Variants in CCDC73 observed in about 807,000 individuals in gnomAD.
CCDC73 encodes coiled-coil domain-containing protein 73.
CCDC73 carries 95 observed loss-of-function variants against 116.5 expected under a neutral mutation model. That is an observed-to-expected ratio of 0.82 (90% CI 0.69 to 0.97). The LOEUF is 0.97. Ranked by LOEUF, CCDC73 falls within the 50% of genes least tolerant of loss-of-function variation. CCDC73 has a pLI of 0.00. For missense variants in CCDC73, 1,066 were observed against 1,206.8 expected (o/e 0.88, Z 1.73); for synonymous variants, 398 against 401.3 (o/e 0.99, Z 0.10).
chr11:32,623,522 T>A (rs1201196861), intron 14 of CCDC73, among the ~76,000 whole-genome samples: 1 of 152,066 alleles, frequency 6.6e-6, no homozygotes, highest in Admixed American at 6.6e-5. Flanking sequence ...CGCTAATTTT[T>A]AAAAAAATTT....
intron 9 of CCDC73, among the ~76,000 whole-genome samples, chr11:32,665,725 T>A (rs938961084): frequency 6.6e-6 from 1 of 152,104 alleles, no homozygotes; most frequent in East Asian, 1.9e-4. Flanking sequence ...TTATTTTCCT[T>A]GTTAGTTGAT....
chr11:32,766,531 G>A (rs1447562560), intron 1 of CCDC73, among the ~76,000 whole-genome samples: 1 of 152,158 alleles, frequency 6.6e-6, no homozygotes, highest in Admixed American at 6.5e-5. Flanking sequence ...CCTGTTTGCA[G>A]ATGACATGAT....
At chr11:32,690,417 C>T (rs1406416831) in intron 6 of CCDC73, among the ~76,000 whole-genome samples, 2 of 152,156 alleles carry the variant, frequency 1.3e-5, no homozygotes, top group East Asian at 1.9e-4. Context: ...TTATTAACAT[C>T]CCCCACCAGA....
chr11:32,802,522 A>G, the CCDC73 span, among the ~76,000 whole-genome samples: 1 of 152,230 alleles, frequency 6.6e-6, no homozygotes, highest in South Asian at 2.1e-4. Flanking sequence ...GTATACCAAA[A>G]TATAAAAGCA....
Position 32,617,393 on chromosome 11 carries a change from C to T in CCDC73, c.1186-1264G>A, listed in dbSNP as rs540351851. Among the ~76,000 whole-genome samples the T allele has an allele frequency of 2.0e-4, 31 of 152,284 alleles. No homozygotes were observed. The South Asian group carries it at 5.0e-3, about 24-fold the overall frequency. ...ACATCAAACAGTACCTACTATTATACACTCTAATGTTTTCTATGCTATTTC... is the reference window on the plus strand; with the variant it reads ...ACATCAAACAGTACCTACTATTATATACTCTAATGTTTTCTATGCTATTTC... On this transcript the variant is annotated intron_variant, in intron 14 of 17. Transcript: ENST00000335185.
chr11:32,687,518 A>C (rs1205197406), intron 6 of CCDC73, among the ~76,000 whole-genome samples: 4 of 152,166 alleles, frequency 2.6e-5, no homozygotes, highest in African/African-American at 9.7e-5. Flanking sequence ...TTGAAAGATA[A>C]GAAAAGTATA....
the CCDC73 span, among the ~76,000 whole-genome samples, chr11:32,814,758 C>T: frequency 6.6e-6 from 1 of 151,892 alleles, no homozygotes; most frequent in Non-Finnish European, 1.5e-5. Flanking sequence ...TCATAATAGT[C>T]AAAAAATGAA....
intron 2 of CCDC73, among the ~76,000 whole-genome samples, chr11:32,718,920 T>G (rs369366904): frequency 6.6e-6 from 1 of 152,114 alleles, no homozygotes; most frequent in Non-Finnish European, 1.5e-5. Context: ...CTCATGAAGA[T>G]CTCATCCTGA....
chr11:32,709,334 T>A lies in CCDC73; in HGVS notation c.208-6390A>T, dbSNP rs139450595. Among the ~76,000 whole-genome samples the A allele has an allele frequency of 7.1e-3, 1,086 of 152,340 alleles. 17 individuals carry two copies. The highest frequency in any genetic ancestry group is 0.025 in the African/African-American group (1,047 of 41,566). ...TTGTTTTTGAGATGGAATCTTACTC[T>A]GTTGCCCAGGCTAGAGTGCAGTAAT... On this transcript the variant is annotated intron_variant, in intron 3 of 17. Transcript: ENST00000335185.
At chr11:32,662,255 G>A (rs929311879) in intron 9 of CCDC73, among the ~76,000 whole-genome samples, 17 of 152,132 alleles carry the variant, frequency 1.1e-4, no homozygotes, top group African/African-American at 3.9e-4. Flanking sequence ...TTAAGGAATC[G>A]CCACACTGTC....
At chr11:32,794,052 A>T (rs1850701177) in intron 1 of CCDC73, among the ~76,000 whole-genome samples, 1 of 152,112 alleles carries the variant, frequency 6.6e-6, no homozygotes, top group East Asian at 1.9e-4. Flanking sequence ...AAATAGAGAA[A>T]TGTCCCTGGG....
chr11:32,740,665 G>C (rs1850175425), intron 2 of CCDC73, among the ~76,000 whole-genome samples: 1 of 151,298 alleles, frequency 6.6e-6, no homozygotes, highest in Admixed American at 6.6e-5. Context: ...TGTTTTTCTT[G>C]TTTCATTTAT....
intron 2 of CCDC73, among the ~76,000 whole-genome samples, chr11:32,740,772 T>C (rs542900198): frequency 6.6e-6 from 1 of 152,134 alleles, no homozygotes; most frequent in East Asian, 1.9e-4. Flanking sequence ...TTAGGTTGTT[T>C]ATTTGAAGTT....
At chr11:32,801,204 G>A in the CCDC73 span, among the ~76,000 whole-genome samples, 3 of 152,090 alleles carry the variant, frequency 2.0e-5, no homozygotes, top group Admixed American at 6.5e-5. Context: ...ATATCTCATC[G>A]GCTCAAACTC....
intron 9 of CCDC73, among the ~76,000 whole-genome samples, chr11:32,673,945 G>A (rs1192085112): frequency 6.6e-6 from 1 of 152,134 alleles, no homozygotes; most frequent in East Asian, 1.9e-4. Flanking sequence ...GAGAAGTAGT[G>A]ATCTGTTGAG....
the CCDC73 span, among the ~76,000 whole-genome samples, chr11:32,820,335 T>G: frequency 6.6e-6 from 1 of 152,078 alleles, no homozygotes; most frequent in Non-Finnish European, 1.5e-5. Context: ...CAGTTTTTTT[T>G]GTAGAGATGA....
chr11:32,800,149 A>T, the CCDC73 span, among the ~76,000 whole-genome samples: 1 of 152,336 alleles, frequency 6.6e-6, no homozygotes, highest in East Asian at 1.9e-4. Context: ...TATATAATAT[A>T]GTAACATGTC....
intron 1 of CCDC73, among the ~76,000 whole-genome samples, chr11:32,777,099 C>CTTTCT: frequency 9.4e-6 from 1 of 106,808 alleles, no homozygotes; most frequent in South Asian, 2.9e-4. Flanking sequence ...TTTTTTCTTT[C>CTTTCT]TTTTTTTTTT....
At chr11:32,630,499 A>G (rs1287899458) in intron 14 of CCDC73, among the ~76,000 whole-genome samples, 1 of 152,082 alleles carries the variant, frequency 6.6e-6, no homozygotes, top group African/African-American at 2.4e-5. Flanking sequence ...GCACGTCACC[A>G]CATCTGCCTA....
Sources: gnomAD v4.1 joint callset for allele counts (sites outside exome capture counted in the v4.1 genomes callset) on GRCh38, gnomAD v4.1.1 for gene constraint, MANE v1.5 for transcripts, NCBI Gene and HGNC (gene_info 2026-07-23, HGNC 2026-07-21) for gene names.